The following EVC variants were observed in gnomAD, a reference collection of about 807,000 sequenced individuals.
The protein encoded by EVC is evC complex member EVC.
A neutral mutation model predicts 118.9 loss-of-function variants in EVC; 116 were observed. That is an observed-to-expected ratio of 0.98 (90% confidence interval 0.84 to 1.14). The LOEUF (loss-of-function observed/expected upper bound fraction) is 1.14, where lower values mean the gene tolerates loss of function less well. Among genes scored for constraint, EVC ranks in the 50% most tolerant of loss-of-function variants. The pLI, the probability that EVC is intolerant of heterozygous loss-of-function variation, is 0.00. For synonymous variants in EVC, 619 were observed against 534.7 expected (o/e 1.16, Z -2.18); for missense variants, 1,401 against 1,246.4 (o/e 1.12, Z -1.87).
At chr4:5,732,751 C>G (rs914504717) in intron 4 of EVC, among the ~76,000 whole-genome samples, 15 of 152,318 alleles carry the variant, frequency 9.8e-5, no homozygotes, top group African/African-American at 3.1e-4. Flanking sequence ...TGGCTCATGC[C>G]TGTAATCCCA....
At chr4:5,793,751 T>G (rs370339968) in intron 13 of EVC, 34 bp downstream of exon 13, 18 of 1,483,164 alleles carry the variant, frequency 1.2e-5, no homozygotes, top group Non-Finnish European at 1.7e-5. Context: ...CAGGGCTTTG[T>G]GTCCTGCATG....
In EVC at chr4:5,756,212, A is replaced by T. The variant is rs1731142119; in HGVS notation, c.1465-52A>T. The T allele has an allele frequency of 6.8e-7, 1 of 1,466,362 alleles. No individual in the cohort carries two copies. Among genetic ancestry groups the T allele is most frequent in the African/African-American group, 1.4e-5 (1 of 71,834 alleles). The allele number at this position is 1,466,362 out of a possible 1,614,324, so 90.8% of individuals were successfully genotyped here. ...TGGTTGGAGAACCTTCTGGAAAAAA[A>T]AAAAAAAACCCTGCATGTTTCTACC... On this transcript the variant is annotated intron_variant, in intron 10 of 20. Transcript: ENST00000264956. This position sits in a 1 kb window ranked among gnomAD's most constrained non-coding sequence, Gnocchi z 4.2.
intron 7 of EVC, 124 bp from the exon 8 acceptor site, chr4:5,748,024 C>T: frequency 9.2e-7 from 1 of 1,090,016 alleles, no homozygotes; most frequent in Non-Finnish European, 1.4e-6. Flanking sequence ...CTCACTGAAA[C>T]TGTAGAATTG....
chr4:5,778,595 G>A (rs1326451911), intron 11 of EVC, among the ~76,000 whole-genome samples: 4 of 152,146 alleles, frequency 2.6e-5, no homozygotes, highest in Non-Finnish European at 5.9e-5. Flanking sequence ...GCCATTGATG[G>A]TGAGCATTTT....
rs570528163 is a variant in EVC at position 5,746,398 on chromosome 4, G to A, written c.939+1057G>A. ...TCTACCATGGGGCGGCAGGTGGGGA[G>A]GAGGAGGGGGTCCAGGGTCAGTGCT... On this transcript the variant is annotated intron_variant, in intron 7 of 20. Coordinates refer to ENST00000264956, the MANE Select transcript of EVC (RefSeq NM_153717.3). The surrounding 1 kb of genome is among the most constrained non-coding windows in gnomAD (Gnocchi z 5.8). Among the ~76,000 whole-genome samples, 2 of 152,330 alleles carry A rather than the reference G, an allele frequency of 1.3e-5. No individual in the cohort carries two copies. Among genetic ancestry groups the A allele is most frequent in the South Asian group, 4.1e-4 (2 of 4,828 alleles).
At chr4:5,820,255 CCAA>C in the EVC span, among the ~76,000 whole-genome samples, 1 of 152,180 alleles carries the variant, frequency 6.6e-6, no homozygotes, top group Admixed American at 6.5e-5. Flanking sequence ...ATCACTATCA[CCAA>C]CACCACCATC....
intron 1 of EVC, among the ~76,000 whole-genome samples, chr4:5,715,774 T>A (rs1236448630): frequency 6.8e-6 from 1 of 147,178 alleles, no homozygotes; most frequent in African/African-American, 2.5e-5. Flanking sequence ...GATAGAGTCT[T>A]GCTCTGTCAC....
At position 5,712,218 on chromosome 4, in the gene EVC, C is replaced by T. The variant is rs1300442208; in HGVS notation, c.174+664C>T. ...CTAGCGTTTATTAAGTGCTGTGTAC[C>T]AGGCACTGAACTAGACCCTCTCCCT... On this transcript the variant is annotated intron_variant, in intron 1 of 20. Transcript: ENST00000264956. Among the ~76,000 whole-genome samples, 3 of 152,190 alleles carry T rather than the reference C, an allele frequency of 2.0e-5. No individual in the cohort carries two copies. The East Asian group carries it at 5.8e-4, about 29-fold the overall frequency.
chr4:5,726,022 C>T (rs909015410), intron 2 of EVC, among the ~76,000 whole-genome samples: 6 of 152,172 alleles, frequency 3.9e-5, no homozygotes, highest in East Asian at 1.9e-4. Context: ...CAGGGCATCG[C>T]GGTGCAGCTC....
rs143458119 is a variant in EVC at position 5,781,790 on chromosome 4, C to T, written c.1564-1762C>T. ...AGGAAGTCGAGGGTGTGATCACGCC[C>T]CTGAACTCCAGCCTGGGCGACAGAG... On this transcript the variant is annotated intron_variant, in intron 11 of 20. Transcript: ENST00000264956. Among the ~76,000 whole-genome samples the T allele has an allele frequency of 2.5e-3, 386 of 152,236 alleles. 1 individual carries two copies. Among genetic ancestry groups the T allele is most frequent in the African/African-American group, 8.4e-3 (347 of 41,540 alleles).
intron 11 of EVC, among the ~76,000 whole-genome samples, chr4:5,773,114 G>C (rs1489281271): frequency 1.3e-5 from 2 of 152,198 alleles, no homozygotes; most frequent in Non-Finnish European, 2.9e-5. Flanking sequence ...CCTGCGGTAG[G>C]TGCCAGGAGA....
intron 15 of EVC, among the ~76,000 whole-genome samples, chr4:5,799,758 C>A (rs1451333349): frequency 6.6e-6 from 1 of 152,182 alleles, no homozygotes; most frequent in Non-Finnish European, 1.5e-5. Flanking sequence ...AGTCACTTTG[C>A]GTGTCTGTGC....
Position 5,754,991 on chromosome 4 carries a change from G to T in EVC, c.1464+1058G>T, listed in dbSNP as rs1380972911. 6.6e-6 allele frequency among the ~76,000 whole-genome samples: 1 copy of T among 151,974 alleles called. No homozygotes were observed. Among genetic ancestry groups the T allele is most frequent in the African/African-American group, 2.4e-5 (1 of 41,386 alleles). On this transcript the variant is annotated intron_variant, in intron 10 of 20. Coordinates refer to ENST00000264956, the MANE Select transcript of EVC (RefSeq NM_153717.3). This position sits in a 1 kb window ranked among gnomAD's most constrained non-coding sequence, Gnocchi z 5.8. The stretch of plus-strand genomic sequence containing the variant: ...CCCTGGGGGCCAAGCTGGTGGTGGT[G>T]GCACCACTGCAGTGAGAAGCCAATG...
chr4:5,748,322 G>A lies in EVC; in HGVS notation c.1098+16G>A. 1 of 1,613,778 alleles carries A rather than the reference G, an allele frequency of 6.2e-7. No homozygotes were observed. Among genetic ancestry groups the A allele is most frequent in the Non-Finnish European group, 8.5e-7 (1 of 1,179,836 alleles). On this transcript the variant is annotated intron_variant, in intron 8 of 20. Coordinates refer to ENST00000264956, the MANE Select transcript of EVC (RefSeq NM_153717.3). Reference sequence around the variant, plus strand: ...GCAGGCTCTGGTAATGCTGGAGGGGGCGGGAGGGAACATAAAGATATTCAG... The same window carrying A: ...GCAGGCTCTGGTAATGCTGGAGGGGACGGGAGGGAACATAAAGATATTCAG...
At chr4:5,750,075 G>A (rs181152791) in intron 8 of EVC, among the ~76,000 whole-genome samples, 20 of 152,090 alleles carry the variant, frequency 1.3e-4, no homozygotes, top group Non-Finnish European at 2.1e-4. Flanking sequence ...CAACACTGCC[G>A]AAAGATAGGT....
Position 5,733,366 on chromosome 4 carries a change from G to T in EVC, c.633G>T (p.Leu211=), listed in dbSNP as rs778879455. 6 of 1,613,824 alleles carry T rather than the reference G, an allele frequency of 3.7e-6. No homozygotes were observed. In the Admixed American group the frequency reaches 8.3e-5, roughly 22 times the overall value. ...TATTTTGCAGTGTAGACGTTGACCT[G>T]TGTATCTACAGCCTTCACTTAAAAG... ...VLACESVDVD[L]CIYSLHLKDL... is the part of the protein sequence containing the mutation. The change falls in exon 5 of 21, where the codon CTG becomes CTT. Residue 211 remains leucine (L), a synonymous_variant. Transcript: ENST00000264956.
At chr4:5,713,656 G>C (rs1178277025) in intron 1 of EVC, among the ~76,000 whole-genome samples, 4 of 103,030 alleles carry the variant, frequency 3.9e-5, no homozygotes, top group South Asian at 3.3e-4. Context: ...CAGCCTGGGC[G>C]ATAGAGCAAG....
the EVC span, among the ~76,000 whole-genome samples, chr4:5,822,877 G>A: frequency 6.6e-6 from 1 of 152,204 alleles, no homozygotes; most frequent in African/African-American, 2.4e-5. Flanking sequence ...TATCAGTACT[G>A]CACAAAGCCC....
At chr4:5,715,949 G>A (rs1178093621) in intron 1 of EVC, among the ~76,000 whole-genome samples, 1 of 152,040 alleles carries the variant, frequency 6.6e-6, no homozygotes, top group Non-Finnish European at 1.5e-5. Context: ...TCACCATGTT[G>A]GCCAGTCTGG....
Sources: allele counts gnomAD v4.1 joint callset (sites outside exome capture counted in the v4.1 genomes callset), GRCh38; gene constraint gnomAD v4.1.1; non-coding constraint Gnocchi (gnomAD v3.1); transcripts MANE v1.5; gene names NCBI Gene and HGNC (gene_info 2026-07-23, HGNC 2026-07-21).